ZFPM2: variants seen among roughly 807,000 people sequenced by gnomAD.
ZFPM2 encodes zinc finger protein ZFPM2.
A neutral mutation model predicts 98.6 loss-of-function variants in ZFPM2; 20 were observed. That is an observed-to-expected ratio of 0.20 (90% CI 0.14 to 0.29). The LOEUF (loss-of-function observed/expected upper bound fraction) is 0.29. Among genes scored for constraint, ZFPM2 ranks in the 10% least tolerant of loss-of-function variants. ZFPM2 has a pLI of 1.00. For missense variants in ZFPM2, 1,310 were observed against 1,388.6 expected, an observed-to-expected ratio of 0.94 and a Z score of 0.90; for synonymous variants, 518 against 502.7, an observed-to-expected ratio of 1.03 and a Z score of -0.41.
At chr8:105,723,571 G>A (rs527573960) in intron 5 of ZFPM2, among the ~76,000 whole-genome samples, 3 of 151,942 alleles carry the variant, frequency 2.0e-5, no homozygotes, top group African/African-American at 2.4e-5. Context: ...GATACGTCCT[G>A]ACATCAGGGA....
intron 5 of ZFPM2, among the ~76,000 whole-genome samples, chr8:105,663,263 CA>C (rs1817427480): frequency 6.6e-6 from 1 of 152,148 alleles, no homozygotes; most frequent in African/African-American, 2.4e-5. Context: ...AGCTAACAGT[CA>C]CGCAGATAAT....
chr8:105,552,959 G>GCC (rs1814898615), intron 3 of ZFPM2, among the ~76,000 whole-genome samples: 1 of 151,148 alleles, frequency 6.6e-6, no homozygotes, highest in Non-Finnish European at 1.5e-5. Flanking sequence ...ACAAGCTCAT[G>GCC]CCACCACACC....
chr8:105,572,186 C>T (rs1322383659), intron 4 of ZFPM2, among the ~76,000 whole-genome samples: 4 of 151,288 alleles, frequency 2.6e-5, no homozygotes, highest in East Asian at 2.0e-4. Flanking sequence ...CACAGGTGCA[C>T]GCCACCACAC....
intron 3 of ZFPM2, among the ~76,000 whole-genome samples, chr8:105,461,362 A>G (rs910088602): frequency 1.3e-5 from 2 of 152,138 alleles, no homozygotes; most frequent in African/African-American, 4.8e-5. Context: ...AAATATTTCA[A>G]CCATGATTTA....
chr8:105,750,883 T>C (rs563855737), intron 5 of ZFPM2, among the ~76,000 whole-genome samples: 28 of 152,186 alleles, frequency 1.8e-4, no homozygotes, highest in African/African-American at 6.3e-4. Context: ...AGGCTTACCC[T>C]GGAGCAAAGC....
intron 6 of ZFPM2, among the ~76,000 whole-genome samples, chr8:105,791,312 T>G (rs2131144061): frequency 6.6e-6 from 1 of 152,190 alleles, no homozygotes; most frequent in East Asian, 1.9e-4. Context: ...GTTGTTGAAT[T>G]TTGTCAAAGG....
chr8:105,700,214 C>T (rs990485132), intron 5 of ZFPM2, among the ~76,000 whole-genome samples: 7 of 152,162 alleles, frequency 4.6e-5, no homozygotes, highest in Non-Finnish European at 7.3e-5. Flanking sequence ...CAGCAGGTTG[C>T]GTGGCAACCA....
At chr8:105,747,007 G>A (rs1253054308) in intron 5 of ZFPM2, among the ~76,000 whole-genome samples, 3 of 151,674 alleles carry the variant, frequency 2.0e-5, no homozygotes, top group African/African-American at 7.3e-5. Context: ...GTAACACTGG[G>A]GGAAAAAAAC....
intron 5 of ZFPM2, among the ~76,000 whole-genome samples, chr8:105,754,507 A>T (rs558642501): frequency 6.6e-6 from 1 of 152,224 alleles, no homozygotes; most frequent in East Asian, 1.9e-4. Context: ...GGTGACATCA[A>T]TGGAAATTCT....
intron 2 of ZFPM2, among the ~76,000 whole-genome samples, chr8:105,431,664 G>A (rs369103180): frequency 6.6e-5 from 10 of 152,108 alleles, no homozygotes; most frequent in South Asian, 2.1e-4. Flanking sequence ...CTGTAATCCC[G>A]GCACTTTGGG....
intron 1 of ZFPM2, among the ~76,000 whole-genome samples, chr8:105,345,425 CTTTTTTT>C (rs10560485): frequency 8.1e-5 from 8 of 98,352 alleles, no homozygotes; most frequent in Admixed American, 2.8e-4. Flanking sequence ...TCGTGATGTT[CTTTTTTT>C]TTTTTTTTTT....
intron 5 of ZFPM2, among the ~76,000 whole-genome samples, chr8:105,683,338 G>A (rs991124905): frequency 1.3e-5 from 2 of 152,104 alleles, no homozygotes; most frequent in Admixed American, 6.6e-5. Context: ...GCAAACTGCC[G>A]ATAAGCTCCC....
At chr8:105,326,297 G>C (rs1358843103) in intron 1 of ZFPM2, among the ~76,000 whole-genome samples, 1 of 151,544 alleles carries the variant, frequency 6.6e-6, no homozygotes, top group Admixed American at 6.6e-5. Context: ...CTTAAAATGA[G>C]CATTTTTAAA....
At chr8:105,620,514 T>A (rs1202299118) in intron 4 of ZFPM2, among the ~76,000 whole-genome samples, 1 of 152,220 alleles carries the variant, frequency 6.6e-6, no homozygotes, top group Non-Finnish European at 1.5e-5. Context: ...TTTCTTTTGT[T>A]GTGCAGAAGC....
chr8:105,524,941 C>A (rs1036926544), intron 3 of ZFPM2, among the ~76,000 whole-genome samples: 10 of 152,054 alleles, frequency 6.6e-5, no homozygotes, highest in Admixed American at 6.6e-4. Flanking sequence ...GCATTTTGTT[C>A]TTTTCGTCTC....
At chr8:105,475,160 T>C (rs1397078389) in intron 3 of ZFPM2, among the ~76,000 whole-genome samples, 1 of 152,220 alleles carries the variant, frequency 6.6e-6, no homozygotes, top group East Asian at 1.9e-4. Flanking sequence ...AAAAAATATT[T>C]AGGTTAAAAA....
At chr8:105,506,657 T>C (rs1439779852) in intron 3 of ZFPM2, among the ~76,000 whole-genome samples, 1 of 152,150 alleles carries the variant, frequency 6.6e-6, no homozygotes, top group Non-Finnish European at 1.5e-5. Context: ...TATTCACTTA[T>C]TTTTCAGTAA....
At chr8:105,517,844 C>G (rs775009725) in intron 3 of ZFPM2, among the ~76,000 whole-genome samples, 7 of 151,880 alleles carry the variant, frequency 4.6e-5, no homozygotes, top group Admixed American at 4.6e-4. Context: ...CCCAGGAGGT[C>G]CAGATTGCAG....
intron 3 of ZFPM2, among the ~76,000 whole-genome samples, chr8:105,554,747 C>A (rs538447941): frequency 2.0e-4 from 31 of 152,082 alleles, no homozygotes; most frequent in Admixed American, 2.6e-4. Flanking sequence ...AGTTAAGGGT[C>A]GTTCTGTAAT....
Sources: allele counts gnomAD v4.1 joint callset (sites outside exome capture counted in the v4.1 genomes callset), GRCh38; gene constraint gnomAD v4.1.1; transcripts MANE v1.5; gene names NCBI Gene and HGNC (gene_info 2026-07-23, HGNC 2026-07-21).